The following FAM53A variants were observed in gnomAD, a reference collection of about 807,000 sequenced individuals.
The protein encoded by FAM53A is protein FAM53A.
Under a neutral mutation model 26.6 loss-of-function variants are expected in FAM53A, and 28 were observed. That is an observed-to-expected ratio of 1.05 (90% CI 0.78 to 1.45). The LOEUF (loss-of-function observed/expected upper bound fraction) is 1.45. Among genes scored for constraint, FAM53A ranks in the 40% most tolerant of loss-of-function variants. FAM53A has a pLI of 0.00. For synonymous variants in FAM53A, 290 were observed against 253.1 expected (o/e 1.15, Z -1.38); for missense variants, 650 against 575.8 (o/e 1.13, Z -1.32).
intron 1 of FAM53A, 90 bp from the exon 2 acceptor site, chr4:1,668,995 A>C (rs1435928726): frequency 2.3e-6 from 1 of 433,270 alleles, no homozygotes; most frequent in Admixed American, 4.3e-5. Flanking sequence ...CCTCTGTATA[A>C]AGTATTTCTG....
chr4:1,591,254 T>C, the FAM53A span, among the ~76,000 whole-genome samples: 23 of 152,044 alleles, frequency 1.5e-4, no homozygotes, highest in Non-Finnish European at 2.5e-4. Context: ...TCGTTCAACC[T>C]GTGAGTCTCT....
At chr4:1,666,823 G>C (rs772940976) in intron 2 of FAM53A, among the ~76,000 whole-genome samples, 1 of 152,134 alleles carries the variant, frequency 6.6e-6, no homozygotes, top group Admixed American at 6.5e-5. Flanking sequence ...GTGAAACCCC[G>C]TCTCTACTAA....
chr4:1,623,947 A>C (rs529820879), intron 1 of FAM53A, among the ~76,000 whole-genome samples: 121 of 152,148 alleles, frequency 8.0e-4, no homozygotes, highest in Non-Finnish European at 1.5e-3. Context: ...GATGGGGCCA[A>C]GCCTCCCCCG....
the FAM53A span, among the ~76,000 whole-genome samples, chr4:1,612,340 C>T: frequency 6.6e-6 from 1 of 152,236 alleles, no homozygotes; most frequent in African/African-American, 2.4e-5. Context: ...TGCAAGACCT[C>T]TCACGGTGCT....
At position 1,630,224 on chromosome 4, in the gene FAM53A, G is replaced by C. The variant is rs1301567685; in HGVS notation, c.432-12113C>G. 6.6e-6 allele frequency among the ~76,000 whole-genome samples: 1 copy of C among 152,188 alleles called. No individual in the cohort carries two copies. The highest frequency in any genetic ancestry group is 1.5e-5 in the Non-Finnish European group (1 of 68,036). On this transcript the variant is annotated intron_variant, in intron 1 of 1. Coordinates refer to the FAM53A transcript ENST00000489029. The surrounding 1 kb of genome is among the most constrained non-coding windows in gnomAD (Gnocchi z 4.3). Reference sequence around the variant, plus strand: ...CGAGGCAGGTGCACAAGACAGCCTGGCCCTGGTGCCACCTGCTGCAGGGGC... The same window carrying C: ...CGAGGCAGGTGCACAAGACAGCCTGCCCCTGGTGCCACCTGCTGCAGGGGC...
intron 4 of FAM53A, among the ~76,000 whole-genome samples, chr4:1,651,651 T>TG (rs1292598523): frequency 1.3e-4 from 19 of 151,664 alleles, no homozygotes; most frequent in African/African-American, 4.1e-4. Context: ...GAAGGAGGAC[T>TG]GAATCACAGA....
At chr4:1,671,665 G>C (rs73798421) in intron 1 of FAM53A, among the ~76,000 whole-genome samples, 1,576 of 152,176 alleles carry the variant, frequency 0.01, 25 homozygotes, top group African/African-American at 0.036. Context: ...CACAGGATGG[G>C]GCTCTATGGC....
intron 1 of FAM53A, among the ~76,000 whole-genome samples, chr4:1,670,492 T>C (rs1338372412): frequency 6.6e-6 from 1 of 152,262 alleles, no homozygotes; most frequent in Non-Finnish European, 1.5e-5. Flanking sequence ...GCACAGGTCC[T>C]GACGGGTGCC....
chr4:1,662,958 G>A (rs1369288355), intron 2 of FAM53A, among the ~76,000 whole-genome samples: 1 of 152,170 alleles, frequency 6.6e-6, no homozygotes, highest in Admixed American at 6.5e-5. Flanking sequence ...ACTCTGGGGG[G>A]CCGAGGCAGG....
At chr4:1,651,832 GC>G (rs1016710959) in intron 4 of FAM53A, among the ~76,000 whole-genome samples, 26 of 133,612 alleles carry the variant, frequency 1.9e-4, no homozygotes, top group Non-Finnish European at 1.6e-4. Context: ...AGCCGGGGCT[GC>G]ATGGATCTGA....
chr4:1,602,947 G>T, the FAM53A span, among the ~76,000 whole-genome samples: 1 of 152,226 alleles, frequency 6.6e-6, no homozygotes, highest in African/African-American at 2.4e-5. Flanking sequence ...CGGCACTCGG[G>T]TCATGGGGGC....
the FAM53A span, among the ~76,000 whole-genome samples, chr4:1,577,437 G>C: frequency 6.6e-6 from 1 of 152,176 alleles, no homozygotes; most frequent in South Asian, 2.1e-4. Context: ...GGGGTGGTAG[G>C]GGGGCTACTG....
the FAM53A span, among the ~76,000 whole-genome samples, chr4:1,595,825 G>A: frequency 2.6e-5 from 4 of 152,172 alleles, no homozygotes; most frequent in African/African-American, 9.7e-5. Flanking sequence ...TGGTCTACTG[G>A]GGCCCTTTGT....
chr4:1,579,700 C>A, the FAM53A span, among the ~76,000 whole-genome samples: 2 of 152,218 alleles, frequency 1.3e-5, no homozygotes, highest in South Asian at 2.1e-4. Flanking sequence ...GGTGAGCACA[C>A]GCGACACCCG....
At chr4:1,612,544 G>A in the FAM53A span, among the ~76,000 whole-genome samples, 1 of 151,974 alleles carries the variant, frequency 6.6e-6, no homozygotes, top group African/African-American at 2.4e-5. Context: ...ACACCCACAC[G>A]GACCTGCACC....
chr4:1,644,921 C>T (rs947658635), intron 4 of FAM53A: 3 of 152,674 alleles, frequency 2.0e-5, no homozygotes, highest in African/African-American at 7.2e-5. Context: ...TCAGCCACAT[C>T]TGTACCTGCC....
chr4:1,655,779 C>A (rs1304519618), intron 3 of FAM53A, 56 bp from the exon 4 acceptor site: 3 of 1,460,970 alleles, frequency 2.1e-6, no homozygotes, highest in East Asian at 5.1e-5. Flanking sequence ...ACAGGGCAGG[C>A]GACATCCATC....
At chr4:1,674,951 A>G (rs1221200039) in intron 1 of FAM53A, among the ~76,000 whole-genome samples, 3 of 152,174 alleles carry the variant, frequency 2.0e-5, no homozygotes, top group Admixed American at 1.3e-4. Context: ...GGACCAGAGG[A>G]AGCCCCTGCC....
intron 1 of FAM53A, among the ~76,000 whole-genome samples, chr4:1,625,573 A>AG (rs60640844): frequency 4.3e-5 from 3 of 69,042 alleles, no homozygotes; most frequent in African/African-American, 1.5e-4. Flanking sequence ...CCACGTGGTC[A>AG]GGGTCACGCC....
Sources: allele counts gnomAD v4.1 joint callset (sites outside exome capture counted in the v4.1 genomes callset), GRCh38; gene constraint gnomAD v4.1.1; non-coding constraint Gnocchi (gnomAD v3.1); transcripts MANE v1.5; gene names NCBI Gene and HGNC (gene_info 2026-07-23, HGNC 2026-07-21).